The following CHRM5 variants were observed in gnomAD, a reference collection of about 807,000 sequenced individuals.
CHRM5 encodes the protein cholinergic receptor muscarinic 5.
A neutral mutation model predicts 39.0 loss-of-function variants in CHRM5; 18 were observed. The observed-to-expected ratio is 0.46, with a 90% confidence interval of 0.32 to 0.68. The LOEUF (loss-of-function observed/expected upper bound fraction) is 0.68. Among genes scored for constraint, CHRM5 ranks in the 30% least tolerant of loss-of-function variants. The probability of loss-of-function intolerance (pLI) is 0.04; values close to 1 mark genes in which losing one functional copy is unlikely to be tolerated. For missense variants in CHRM5, 515 were observed against 651.1 expected (o/e 0.79, Z 2.28); for synonymous variants, 241 against 246.3 (o/e 0.98, Z 0.20).
At chr15:34,007,645 G>C (rs1188197723) in intron 1 of CHRM5, among the ~76,000 whole-genome samples, 1 of 152,138 alleles carries the variant, frequency 6.6e-6, no homozygotes, top group Non-Finnish European at 1.5e-5. Context: ...TTAGGTATTG[G>C]TTAGAGCAAC....
intron 1 of CHRM5, among the ~76,000 whole-genome samples, chr15:34,029,331 G>C (rs1404022861): frequency 6.6e-6 from 1 of 151,920 alleles, no homozygotes; most frequent in African/African-American, 2.4e-5. Context: ...ATAACACCTG[G>C]CCACATCTTA....
At chr15:33,989,434 G>A (rs1237165566) in intron 1 of CHRM5, among the ~76,000 whole-genome samples, 1 of 147,060 alleles carries the variant, frequency 6.8e-6, no homozygotes, top group Non-Finnish European at 1.5e-5. Context: ...TCTAACAGCT[G>A]GTTTTGTTTG....
At chr15:34,044,247 G>A (rs1288697514) in intron 1 of CHRM5, among the ~76,000 whole-genome samples, 1 of 152,022 alleles carries the variant, frequency 6.6e-6, no homozygotes, top group Admixed American at 6.6e-5. Flanking sequence ...CACTCCTCAA[G>A]CCTTTTGTGC....
intron 1 of CHRM5, among the ~76,000 whole-genome samples, chr15:34,021,235 T>C (rs1315550921): frequency 6.6e-6 from 1 of 152,062 alleles, no homozygotes; most frequent in Non-Finnish European, 1.5e-5. Context: ...GCCTCCCAAG[T>C]AGCTTAGGCT....
chr15:34,017,811 C>T (rs565948257), intron 1 of CHRM5, among the ~76,000 whole-genome samples: 1 of 152,112 alleles, frequency 6.6e-6, no homozygotes, highest in African/African-American at 2.4e-5. Flanking sequence ...TTATTAAAAA[C>T]TCCATTGTCT....
At position 34,017,057 on chromosome 15, in the gene CHRM5, G is replaced by C. The variant is rs183032184; in HGVS notation, c.-407-29483G>C. Among the ~76,000 whole-genome samples, 370 of 152,060 alleles carry C rather than the reference G, an allele frequency of 2.4e-3. 1 individual carries two copies. Among genetic ancestry groups the C allele is most frequent in the Non-Finnish European group, 3.1e-3 (209 of 67,984 alleles). ...GAGGTGGGAGGATCACCTCAGCCTG[G>C]GGAGGTCAAGGCTGTAATGAGCTGT... On this transcript the variant is annotated intron_variant, in intron 1 of 2. Transcript: ENST00000383263.
At position 33,988,752 on chromosome 15, in the gene CHRM5, T is replaced by C. The variant is rs555068148; in HGVS notation, c.-408+19602T>C. On this transcript the variant is annotated intron_variant, in intron 1 of 2. Transcript: ENST00000383263. Reference sequence around the variant, plus strand: ...AAGACAAGAGAACAGAATTACAGGGTTGAAAAAACTCCTTGATAAATGACC... The same window carrying C: ...AAGACAAGAGAACAGAATTACAGGGCTGAAAAAACTCCTTGATAAATGACC... Among the ~76,000 whole-genome samples the C allele has an allele frequency of 1.4e-4, 22 of 152,274 alleles. No individual in the cohort carries two copies. In the South Asian group the frequency reaches 4.3e-3, roughly 30 times the overall value.
chr15:34,008,236 C>A (rs960658134), intron 1 of CHRM5, among the ~76,000 whole-genome samples: 2 of 151,842 alleles, frequency 1.3e-5, no homozygotes, highest in African/African-American at 4.8e-5. Context: ...GCCTAGGCAA[C>A]ATAGCAAGAC....
chr15:33,989,106 T>C (rs74007650), intron 1 of CHRM5, among the ~76,000 whole-genome samples: 3,229 of 152,200 alleles, frequency 0.021, 109 homozygotes, highest in African/African-American at 0.072. Flanking sequence ...GTATCACCTC[T>C]ATAGTTGCAG....
chr15:34,002,820 T>C (rs1272678940), intron 1 of CHRM5, among the ~76,000 whole-genome samples: 1 of 152,230 alleles, frequency 6.6e-6, no homozygotes, highest in Admixed American at 6.5e-5. Context: ...AAGACTTTAG[T>C]CATTCTACAT....
chr15:34,062,739 A>C lies in CHRM5; in HGVS notation c.22A>C (p.Asn8His). ...CAGGATGGAAGGGGATTCTTACCAC[A>C]ATGCAACCACCGTCAATGGCACCCC... MEGDSYHNATTVNGTPVN... is the reference protein window; with the variant it reads MEGDSYHHATTVNGTPVN... Residue 8 changes from asparagine (N) to histidine (H), a missense_variant, in exon 3 of 3, where the codon AAT becomes CAT. Physicochemically the swap from Asn to His is moderately conservative, Grantham distance 68 (BLOSUM62 1). Transcript: ENST00000383263. 6.2e-7 allele frequency: 1 copy of C among 1,612,182 alleles called. No individual in the cohort carries two copies. Among genetic ancestry groups the C allele is most frequent in the Non-Finnish European group, 8.5e-7 (1 of 1,178,654 alleles).
chr15:34,048,022 CGTGTGTGTGTGTGTTTGT>C (rs57229298), intron 2 of CHRM5, among the ~76,000 whole-genome samples: 20,394 of 151,418 alleles, frequency 0.13, 2,341 homozygotes, highest in East Asian at 0.35. Context: ...ACGTCCAGCT[CGTGTGTGTGTGTGTTTGT>C]GTGTGTGTGT....
chr15:34,063,225 C>T lies in CHRM5; in HGVS notation c.508C>T (p.Gln170Ter). 1 of 1,614,180 alleles carries T rather than the reference C, an allele frequency of 6.2e-7. No homozygotes were observed. The highest frequency in any genetic ancestry group is 8.5e-7 in the Non-Finnish European group (1 of 1,180,040). ...CTGGGCCCCAGCAATCCTCTGCTGG[C>T]AGTACTTGGTTGGGAAGCGGACAGT... ...ILWAPAILCW[Q>*]YLVGKRTVPL... The change falls in exon 3 of 3, where the codon CAG (glutamine) becomes TAG (stop). Residue 170 changes from glutamine (Q) to a stop codon, truncating the protein, a stop_gained. Transcript: ENST00000383263. LOFTEE classifies it high-confidence loss of function. The surrounding 1 kb of genome is among the most constrained non-coding windows in gnomAD (Gnocchi z 4.1).
chr15:34,062,129 A>G (rs528792554), intron 2 of CHRM5, among the ~76,000 whole-genome samples: 2 of 152,296 alleles, frequency 1.3e-5, no homozygotes, highest in East Asian at 3.9e-4. Context: ...AGCCTCATGC[A>G]TAAGAAGGGC....
At chr15:34,017,480 T>G (rs992692060) in intron 1 of CHRM5, among the ~76,000 whole-genome samples, 3 of 50,228 alleles carry the variant, frequency 6.0e-5, no homozygotes. Context: ...ATGATTTTTT[T>G]TTTGTTTTTT....
At chr15:34,029,420 C>T (rs1330381252) in intron 1 of CHRM5, among the ~76,000 whole-genome samples, 3 of 150,708 alleles carry the variant, frequency 2.0e-5, no homozygotes, top group African/African-American at 7.3e-5. Flanking sequence ...GTGGCTCATG[C>T]CTGTAATCCC....
intron 1 of CHRM5, chr15:34,038,787 C>A: frequency 8.4e-7 from 1 of 1,184,386 alleles, no homozygotes; most frequent in Non-Finnish European, 1.0e-6. Flanking sequence ...TACCGGCGCG[C>A]TGGCCCCTGC....
rs926864848 is a variant in CHRM5 at position 34,064,534 on chromosome 15, T to C, written c.*218T>C. ...GACTCTTGCCTATGACCAAGGCCAT[T>C]TGATGCCAGGGGAGTTTGCCAATGA... is the stretch of plus-strand genomic sequence containing the variant. On this transcript the variant is annotated 3_prime_UTR_variant, in exon 3 of 3. Transcript: ENST00000383263. 2.7e-5 allele frequency: 16 copies of C among 600,904 alleles called. No individual in the cohort carries two copies. The highest frequency in any genetic ancestry group is 8.8e-5 in the East Asian group (3 of 34,134). The allele number at this position is 600,904 out of a possible 1,614,324, so 37.2% of individuals were successfully genotyped here.
intron 1 of CHRM5, among the ~76,000 whole-genome samples, chr15:34,043,869 A>G (rs948811605): frequency 1.3e-5 from 2 of 152,142 alleles, no homozygotes; most frequent in East Asian, 1.9e-4. Context: ...GCCTACTTGT[A>G]TCTGTACCTA....
Sources: gnomAD v4.1 joint callset for allele counts (sites outside exome capture counted in the v4.1 genomes callset) on GRCh38, gnomAD v4.1.1 for gene constraint, Gnocchi (gnomAD v3.1) non-coding constraint, MANE v1.5 for transcripts, NCBI Gene and HGNC (gene_info 2026-07-23, HGNC 2026-07-21) for gene names.